DDC: variants seen among roughly 807,000 people sequenced by gnomAD.
DDC encodes aromatic-L-amino-acid decarboxylase.
DDC carries 43 observed loss-of-function variants against 60.0 expected under a neutral mutation model. The ratio of observed to expected loss-of-function variants is 0.72; its 90% CI spans 0.56 to 0.92. The LOEUF (loss-of-function observed/expected upper bound fraction) is 0.92, where lower values mean the gene tolerates loss of function less well. DDC is among the 40% of genes least tolerant of loss of function. The pLI is 0.00. For missense variants in DDC, 573 were observed against 620.2 expected (o/e 0.92, Z 0.81); for synonymous variants, 232 against 234.6 (o/e 0.99, Z 0.10).
rs1162645051 is a variant in DDC, at chr7:50,544,011, C to T, written c.75G>A (p.Glu25=). Residue 25 remains glutamate (E), a synonymous_variant, in exon 2 of 15, where the codon GAG becomes GAA. Transcript: ENST00000444124. The part of the protein sequence containing the change: ...DYMANYMEGI[E]GRQVYPDVEP... ...CCACGTCAGGGTAGACCTGGCGTCC[C>T]TCAATGCCTTCCATGTAGTTGGCCA... 1.2e-6 allele frequency: 2 copies of T among 1,614,086 alleles called. No individual in the cohort carries two copies. The highest frequency in any genetic ancestry group is 2.2e-5 in the East Asian group (1 of 44,892).
At chr7:50,488,303 A>G (rs1401880804) in intron 9 of DDC, among the ~76,000 whole-genome samples, 1 of 152,018 alleles carries the variant, frequency 6.6e-6, no homozygotes, top group Non-Finnish European at 1.5e-5. Flanking sequence ...TGTTTTTCTG[A>G]AAAACAATGT....
intron 1 of DDC, among the ~76,000 whole-genome samples, chr7:50,553,334 A>G (rs894020083): frequency 6.6e-6 from 1 of 152,098 alleles, no homozygotes; most frequent in African/African-American, 2.4e-5. Context: ...GCCATAGTTT[A>G]TGTCTCAGAA....
At chr7:50,481,221 G>T (rs899747601) in intron 9 of DDC, among the ~76,000 whole-genome samples, 32 of 152,160 alleles carry the variant, frequency 2.1e-4, no homozygotes, top group Admixed American at 6.5e-4. Context: ...TTTGTTTTAA[G>T]GTTAAAGACA....
chr7:50,493,662 T>A (rs776006774), intron 9 of DDC, among the ~76,000 whole-genome samples: 1 of 152,192 alleles, frequency 6.6e-6, no homozygotes, highest in African/African-American at 2.4e-5. Context: ...ATAACGGCCA[T>A]GTCTTTCATA....
chr7:50,503,848 T>A lies in DDC; in HGVS notation c.781+145A>T, dbSNP rs979088655. The A allele has an allele frequency of 7.0e-6, 5 of 718,534 alleles. No individual in the cohort carries two copies. The African/African-American group carries it at 8.7e-5, about 12-fold the overall frequency. 44.5% of individuals were successfully genotyped at this position (718,534 alleles called of 1,614,324 possible). A position where few individuals can be genotyped will look rare whatever the true frequency, so the allele number is the denominator to read the frequency against. On this transcript the variant is annotated intron_variant, in intron 7 of 14. Transcript: ENST00000444124. ...GTTTGTGGAGTTCAAGCTAATGAGGTTTGTGTTATTGCAAATACGAGAAGA... is the reference window on the plus strand; with the variant it reads ...GTTTGTGGAGTTCAAGCTAATGAGGATTGTGTTATTGCAAATACGAGAAGA...
intron 1 of DDC, among the ~76,000 whole-genome samples, chr7:50,557,901 A>T (rs975630378): frequency 6.6e-6 from 1 of 152,234 alleles, no homozygotes; most frequent in Non-Finnish European, 1.5e-5. Context: ...CATCTCTGTA[A>T]GCTTTGCTCC....
intron 1 of DDC, among the ~76,000 whole-genome samples, chr7:50,552,020 C>T (rs2045013324): frequency 6.6e-6 from 1 of 152,146 alleles, no homozygotes; most frequent in Non-Finnish European, 1.5e-5. Flanking sequence ...AAGCATGTGG[C>T]TCTGGAATAA....
At chr7:50,509,842 T>C (rs1328985998) in intron 6 of DDC, among the ~76,000 whole-genome samples, 1 of 151,412 alleles carries the variant, frequency 6.6e-6, no homozygotes, top group Non-Finnish European at 1.5e-5. Context: ...AATGTGAGAG[T>C]ATGTATCAAA....
At chr7:50,459,105 C>T (rs939076014) in intron 14 of DDC, among the ~76,000 whole-genome samples, 2 of 152,374 alleles carry the variant, frequency 1.3e-5, no homozygotes, top group East Asian at 1.9e-4. Context: ...TGCAGGCGCG[C>T]ACCACCACGC....
intron 1 of DDC, among the ~76,000 whole-genome samples, chr7:50,553,959 T>C (rs964365806): frequency 6.6e-6 from 1 of 152,228 alleles, no homozygotes; most frequent in Non-Finnish European, 1.5e-5. Flanking sequence ...CTAAGTTCTT[T>C]CTTTAACCCT....
intron 14 of DDC, among the ~76,000 whole-genome samples, chr7:50,460,956 G>C (rs1326312302): frequency 6.6e-6 from 1 of 150,938 alleles, no homozygotes; most frequent in African/African-American, 2.4e-5. Flanking sequence ...AGAGACCTTT[G>C]TTCACTTGTT....
chr7:50,550,927 A>G (rs143124392), intron 1 of DDC, among the ~76,000 whole-genome samples: 1 of 152,338 alleles, frequency 6.6e-6, no homozygotes, highest in East Asian at 1.9e-4. Context: ...TAAATAAATA[A>G]ATGGTAACAA....
intron 14 of DDC, among the ~76,000 whole-genome samples, chr7:50,460,948 A>G (rs1334759243): frequency 2.6e-5 from 4 of 151,224 alleles, no homozygotes; most frequent in South Asian, 4.2e-4. Context: ...GGAAAACCAG[A>G]GACCTTTGTT....
rs556363986 is a variant in DDC at position 50,543,939 on chromosome 7, C to T, written c.147G>A (p.Glu49=). ...TGATGATGTCCTCAAACGTGTCTGGCTCCTGAGGGGCAGCGGCAGGGATCA... is the reference window on the plus strand; with the variant it reads ...TGATGATGTCCTCAAACGTGTCTGGTTCCTGAGGGGCAGCGGCAGGGATCA... ...RPLIPAAAPQ[E]PDTFEDIIND... is the part of the protein sequence containing the mutation. Residue 49 remains glutamate, a synonymous_variant, in exon 2 of 15, where the codon GAG becomes GAA. Transcript: ENST00000444124. 35 of 1,614,092 alleles carry T rather than the reference C, an allele frequency of 2.2e-5. No individual in the cohort carries two copies. The highest frequency in any genetic ancestry group is 1.3e-4 in the South Asian group (12 of 91,084).
intron 13 of DDC, 125 bp from the exon 14 acceptor site, chr7:50,463,556 C>T (rs906800792): frequency 1.5e-5 from 12 of 817,682 alleles, no homozygotes; most frequent in Non-Finnish European, 2.1e-5. Context: ...CTAACCATCC[C>T]CCTTGCGTTT....
intron 6 of DDC, among the ~76,000 whole-genome samples, chr7:50,505,208 C>T (rs1421033558): frequency 1.3e-5 from 2 of 152,226 alleles, no homozygotes; most frequent in African/African-American, 4.8e-5. Context: ...GACCCTGTCT[C>T]ATTGTTTTGT....
At chr7:50,505,139 G>A (rs2043356358) in intron 6 of DDC, among the ~76,000 whole-genome samples, 1 of 152,240 alleles carries the variant, frequency 6.6e-6, no homozygotes, top group African/African-American at 2.4e-5. Flanking sequence ...GCCTGACTGT[G>A]TTGTCCCCAC....
intron 9 of DDC, among the ~76,000 whole-genome samples, chr7:50,488,690 G>A (rs1294807306): frequency 6.6e-6 from 1 of 152,074 alleles, no homozygotes; most frequent in Non-Finnish European, 1.5e-5. Flanking sequence ...AGTCTTTCTA[G>A]AAATTGGGCT....
intron 6 of DDC, among the ~76,000 whole-genome samples, chr7:50,508,156 C>G (rs2043451201): frequency 1.3e-5 from 2 of 152,230 alleles, no homozygotes; most frequent in South Asian, 4.1e-4. Flanking sequence ...GCTGCAAGGA[C>G]AGTGTTCTAA....
Sources: allele counts gnomAD v4.1 joint callset (sites outside exome capture counted in the v4.1 genomes callset), GRCh38; gene constraint gnomAD v4.1.1; transcripts MANE v1.5; gene names NCBI Gene and HGNC (gene_info 2026-07-23, HGNC 2026-07-21).